The following RBFOX1 variants were observed in gnomAD, a reference collection of about 807,000 sequenced individuals.
The protein encoded by RBFOX1 is RNA binding protein fox-1 homolog 1.
A neutral mutation model predicts 57.7 loss-of-function variants in RBFOX1; 8 were observed. The ratio of observed to expected loss-of-function variants is 0.14; its 90% CI spans 0.08 to 0.25. RBFOX1 has a LOEUF of 0.25. Among genes scored for constraint, RBFOX1 ranks in the 10% least tolerant of loss-of-function variants. The pLI, the probability that RBFOX1 is intolerant of heterozygous loss-of-function variation, is 1.00. For synonymous variants in RBFOX1, 326 were observed against 222.4 expected (o/e 1.47, Z -4.15); for missense variants, 611 against 548.5 (o/e 1.11, Z -1.14).
At position 6,761,374 on chromosome 16, in the gene RBFOX1, A is replaced by G. The variant is rs541491121; in HGVS notation, c.-16+106724A>G. 3.9e-4 allele frequency among the ~76,000 whole-genome samples: 60 copies of G among 152,122 alleles called. 2 individuals carry two copies. The South Asian group carries it at 0.012, about 31-fold the overall frequency. On this transcript the variant is annotated intron_variant, in intron 3 of 15. Transcript: ENST00000550418. Reference sequence around the variant, plus strand: ...AATATTCTATACCAGACATACATTTAGTCTTTGCATCTCTTATGTTGTTAG... The same window carrying G: ...AATATTCTATACCAGACATACATTTGGTCTTTGCATCTCTTATGTTGTTAG...
chr16:5,917,429 A>G lies in RBFOX1; in HGVS notation c.351+50094A>G, dbSNP rs903182148. Among the ~76,000 whole-genome samples the G allele has an allele frequency of 7.9e-5, 12 of 152,314 alleles. No individual in the cohort carries two copies. The South Asian group carries it at 2.5e-3, about 32-fold the overall frequency. On this transcript the variant is annotated intron_variant, in intron 4 of 19. Coordinates refer to the RBFOX1 transcript ENST00000641259. ...TTCAGAACTCATCTTCATTTTATAA[A>G]AACAGAGAGGTTGAGACGTTAAGTA...
chr16:5,586,988 C>G (rs1480733656), intron 2 of RBFOX1, among the ~76,000 whole-genome samples: 1 of 152,162 alleles, frequency 6.6e-6, no homozygotes, highest in Non-Finnish European at 1.5e-5. Flanking sequence ...TGCCCAGATG[C>G]CCTTCCCAGA....
chr16:6,048,565 A>C (rs1455698473), intron 1 of RBFOX1, among the ~76,000 whole-genome samples: 1 of 152,176 alleles, frequency 6.6e-6, no homozygotes, highest in African/African-American at 2.4e-5. Flanking sequence ...AAAACACCAC[A>C]AATAACTCTG....
chr16:7,661,141 A>G (rs1370193043), intron 12 of RBFOX1, among the ~76,000 whole-genome samples: 1 of 152,136 alleles, frequency 6.6e-6, no homozygotes. Flanking sequence ...TTGGCTTCCC[A>G]TTACATGGCT....
At chr16:6,898,080 C>G (rs957901207) in intron 3 of RBFOX1, among the ~76,000 whole-genome samples, 1 of 152,166 alleles carries the variant, frequency 6.6e-6, no homozygotes, top group African/African-American at 2.4e-5. Context: ...GCAGTTATTT[C>G]AAAGAAATGA....
intron 3 of RBFOX1, chr16:6,705,085 G>C (rs1025458696): frequency 1.3e-5 from 2 of 152,066 alleles, no homozygotes; most frequent in South Asian, 4.1e-4. Flanking sequence ...TCAGTAATGA[G>C]GCAGCACCAG....
intron 1 of RBFOX1, among the ~76,000 whole-genome samples, chr16:6,031,894 C>A (rs553814889): frequency 6.6e-6 from 1 of 152,282 alleles, no homozygotes; most frequent in South Asian, 2.1e-4. Flanking sequence ...AGACCCCAGC[C>A]TTATGAACAT....
chr16:5,263,808 A>G (rs1203410410), intron 1 of RBFOX1, among the ~76,000 whole-genome samples: 6 of 152,170 alleles, frequency 3.9e-5, no homozygotes, highest in South Asian at 4.1e-4. Flanking sequence ...AAGAGGTTTA[A>G]AGTCAATTGT....
At chr16:6,444,021 C>A (rs2094438330) in intron 2 of RBFOX1, among the ~76,000 whole-genome samples, 1 of 152,112 alleles carries the variant, frequency 6.6e-6, no homozygotes, top group African/African-American at 2.4e-5. Context: ...TGTATATGAA[C>A]AGATATTGTA....
At chr16:5,779,474 T>C (rs556644579) in intron 3 of RBFOX1, among the ~76,000 whole-genome samples, 5 of 152,326 alleles carry the variant, frequency 3.3e-5, no homozygotes, top group Admixed American at 6.5e-5. Context: ...ACATGACTTA[T>C]TGAGCCATTT....
chr16:6,667,936 C>T (rs1050115831), intron 3 of RBFOX1, among the ~76,000 whole-genome samples: 1 of 152,006 alleles, frequency 6.6e-6, no homozygotes, highest in Non-Finnish European at 1.5e-5. Flanking sequence ...CTGATTATTA[C>T]ACTTAAATCT....
intron 1 of RBFOX1, among the ~76,000 whole-genome samples, chr16:6,296,090 C>G (rs188033993): frequency 9.8e-5 from 15 of 152,304 alleles, no homozygotes; most frequent in African/African-American, 3.6e-4. Flanking sequence ...AGCAGTTGTT[C>G]TTCTCACAGA....
At position 6,153,237 on chromosome 16, in the gene RBFOX1, C is replaced by G. The variant is rs918932452; in HGVS notation, c.-127+133245C>G. The stretch of plus-strand genomic sequence containing the variant: ...CCAGAACAGAATTAAAACTATGCAG[C>G]ATTCCTATTTCCTCCAATAAAAATT... On this transcript the variant is annotated intron_variant, in intron 1 of 15. Transcript: ENST00000550418. 5.9e-5 allele frequency among the ~76,000 whole-genome samples: 9 copies of G among 152,118 alleles called. No individual in the cohort carries two copies. The East Asian group carries it at 1.5e-3, about 26-fold the overall frequency.
intron 3 of RBFOX1, among the ~76,000 whole-genome samples, chr16:5,711,186 C>T (rs1161551651): frequency 6.6e-6 from 1 of 152,214 alleles, no homozygotes; most frequent in East Asian, 1.9e-4. Context: ...AGCACTTGCC[C>T]TGTGCATGCC....
At chr16:5,737,827 T>C (rs1204354639) in intron 3 of RBFOX1, among the ~76,000 whole-genome samples, 1 of 152,214 alleles carries the variant, frequency 6.6e-6, no homozygotes, top group East Asian at 1.9e-4. Context: ...GTTTTAAAAA[T>C]TTGTTTCTTT....
At chr16:5,491,162 A>G (rs2042815032) in intron 2 of RBFOX1, among the ~76,000 whole-genome samples, 1 of 152,132 alleles carries the variant, frequency 6.6e-6, no homozygotes, top group South Asian at 2.1e-4. Flanking sequence ...GTGTGTGACT[A>G]TGTAATAAAC....
intron 1 of RBFOX1, 116 bp downstream of exon 1, chr16:6,020,108 G>C (rs905712125): frequency 2.5e-6 from 3 of 1,193,716 alleles, no homozygotes; most frequent in Non-Finnish European, 3.3e-6. Flanking sequence ...CCTAGCGCCA[G>C]TCTGGGCGCT....
chr16:5,372,479 G>A (rs1317519358), intron 1 of RBFOX1, among the ~76,000 whole-genome samples: 1 of 152,196 alleles, frequency 6.6e-6, no homozygotes, highest in African/African-American at 2.4e-5. Context: ...AGAAGAAGAT[G>A]AAGAAAAGAA....
At chr16:5,431,766 G>T (rs1180267331) in intron 1 of RBFOX1, among the ~76,000 whole-genome samples, 1 of 152,168 alleles carries the variant, frequency 6.6e-6, no homozygotes, top group Non-Finnish European at 1.5e-5. Flanking sequence ...TTTTGTGTGG[G>T]TCTGTCTCTT....
Sources: allele counts gnomAD v4.1 joint callset (sites outside exome capture counted in the v4.1 genomes callset), GRCh38; gene constraint gnomAD v4.1.1; transcripts MANE v1.5; gene names NCBI Gene and HGNC (gene_info 2026-07-23, HGNC 2026-07-21).